The following USP9X variants were observed in gnomAD, a reference collection of about 807,000 sequenced individuals.
USP9X encodes the protein ubiquitin carboxyl-terminal hydrolase 9X.
Under a neutral mutation model 190.3 loss-of-function variants are expected in USP9X, and 7 were observed. That is an observed-to-expected ratio of 0.04 (90% CI 0.02 to 0.07). The LOEUF (loss-of-function observed/expected upper bound fraction) is 0.07. Among genes scored for constraint, USP9X ranks in the 10% least tolerant of loss-of-function variants. The probability of loss-of-function intolerance (pLI) is 1.00; values close to 1 mark genes in which losing one functional copy is unlikely to be tolerated. For missense variants in USP9X, 1,010 were observed against 1,916.9 expected (o/e 0.53, Z 8.83); for synonymous variants, 645 against 659.5 (o/e 0.98, Z 0.34).
chrX:41,087,742 T>TTC (rs1187959611), intron 1 of USP9X, among the ~76,000 whole-genome samples: 1 of 112,293 alleles, frequency 8.9e-6, no homozygotes, highest in Admixed American at 9.4e-5. Context: ...ACTATATGAA[T>TTC]TCTCTCTACC....
At chrX:41,105,606 T>A (rs1392788196) in intron 1 of USP9X, among the ~76,000 whole-genome samples, 1 of 112,314 alleles carries the variant, frequency 8.9e-6, no homozygotes, top group African/African-American at 3.2e-5. Context: ...GCTATGAACA[T>A]GGGTGTACAA....
At chrX:41,153,667 C>T (rs892083798) in intron 14 of USP9X, among the ~76,000 whole-genome samples, 2 of 112,104 alleles carry the variant, frequency 1.8e-5, no homozygotes. Context: ...TGTGTCAGTG[C>T]TCTTTTGCCC....
chrX:41,100,450 T>C lies in USP9X; in HGVS notation c.-159+14341T>C, dbSNP rs1268069778. Among the ~76,000 whole-genome samples, 8 of 111,945 alleles carry C rather than the reference T, an allele frequency of 7.1e-5. No individual in the cohort carries two copies. In the East Asian group the frequency reaches 2.2e-3, roughly 31 times the overall value. On this transcript the variant is annotated intron_variant, in intron 1 of 44. Transcript: ENST00000378308. The stretch of plus-strand genomic sequence containing the variant: ...ATCTTCAGTCTTTAGTGTTAACTAC[T>C]GCATTACATAATGTCTGAGTAAATG...
At position 41,136,809 on chromosome X, in the gene USP9X, T is replaced by C. The variant is rs2062377694; in HGVS notation, c.441T>C (p.Cys147=). 8.3e-7 allele frequency: 1 copy of C among 1,206,637 alleles called. No homozygotes were observed. The highest frequency in any genetic ancestry group is 1.1e-6 in the Non-Finnish European group (1 of 890,909). Residue 147 remains cysteine (C), a synonymous_variant, in exon 6 of 45, where the codon TGT becomes TGC. Coordinates refer to ENST00000378308, the MANE Select transcript of USP9X (RefSeq NM_001039591.3). ...CTTTCCCCCTTGTATAACAGAGGTG[T>C]ATTATTAACAATACTCATCGTCTGG... The part of the protein sequence containing the change: ...VSGWKFEIHR[C]IINNTHRLVE...
chrX:41,214,783 T>C, intron 34 of USP9X, 74 bp downstream of exon 34: 1 of 1,009,959 alleles, frequency 9.9e-7, no homozygotes, highest in South Asian at 2.3e-5. Flanking sequence ...TTTTGGTTCA[T>C]CCTCACAAGT....
intron 32 of USP9X, among the ~76,000 whole-genome samples, chrX:41,208,855 C>T: frequency 9.1e-6 from 1 of 110,328 alleles, no homozygotes; most frequent in East Asian, 2.8e-4. Context: ...CTACAGGCGC[C>T]TGCCACCAAT....
intron 17 of USP9X, among the ~76,000 whole-genome samples, 199 bp from the exon 18 acceptor site, chrX:41,167,808 A>T (rs1477299625): frequency 1.8e-5 from 2 of 112,329 alleles, no homozygotes; most frequent in East Asian, 2.8e-4. Flanking sequence ...TGACTAATTT[A>T]TGTTTGTTAA....
At chrX:41,206,479 G>A (rs2063097602) in intron 32 of USP9X, among the ~76,000 whole-genome samples, 1 of 111,179 alleles carries the variant, frequency 9.0e-6, no homozygotes, top group South Asian at 3.7e-4. Context: ...TTACAATTAT[G>A]GGGGAATCGG....
chrX:41,229,398 C>A lies in USP9X; in HGVS notation c.7207C>A (p.Gln2403Lys). 6.8e-6 allele frequency: 8 copies of A among 1,173,612 alleles called. No homozygotes were observed. Among genetic ancestry groups the A allele is most frequent in the Non-Finnish European group, 9.1e-6 (8 of 880,514 alleles). ...ATTTAGTAACTGTCCTGTTGCTTAC[C>A]AAATCCTGCAGGTGAGGATTTTTTT... is the stretch of plus-strand genomic sequence containing the variant. ...ALFSNCPVAY[Q>K]ILQGNGDLKR... Residue 2403 changes from glutamine (Q) to lysine (K), a missense_variant, in exon 42 of 45, where the codon CAA (glutamine) becomes AAA (lysine). This residue lies in a region of USP9X where 20 missense variants were observed against 59.3 expected (regional missense o/e 0.34). Coordinates refer to ENST00000378308, the MANE Select transcript of USP9X (RefSeq NM_001039591.3).
rs1248614798 is a variant in USP9X at position 41,231,329 on chromosome X, C to G, written c.7527+733C>G. Among the ~76,000 whole-genome samples the G allele has an allele frequency of 3.6e-5, 4 of 111,939 alleles. No individual in the cohort carries two copies. In the Admixed American group the frequency reaches 3.8e-4, roughly 11 times the overall value. The stretch of plus-strand genomic sequence containing the variant: ...TGCTGCTGGTGGTCCAGGAACCATA[C>G]TTGGAGAAACATTTCAGGCATTCTT... On this transcript the variant is annotated intron_variant, in intron 44 of 44. Transcript: ENST00000378308.
At position 41,223,251 on chromosome X, in the gene USP9X, T is replaced by C. The variant is rs370465355; in HGVS notation, c.6600T>C (p.Ser2200=). ...AGAAGACACAGCTTCTGAAATTGAG[T>C]GTACCTGCTACTTTTATGCTTGTGT... is the stretch of plus-strand genomic sequence containing the variant. ...VAEKTQLLKL[S]VPATFMLVSL... is the part of the protein sequence containing the mutation. Residue 2200 remains serine (S), a synonymous_variant, in exon 39 of 45, where the codon AGT becomes AGC. Transcript: ENST00000378308. 1 of 1,209,787 alleles carries C rather than the reference T, an allele frequency of 8.3e-7. No homozygotes were observed. Among genetic ancestry groups the C allele is most frequent in the African/African-American group, 1.7e-5 (1 of 57,151 alleles).
At chrX:41,120,361 C>T (rs1260447660) in intron 1 of USP9X, among the ~76,000 whole-genome samples, 1 of 112,342 alleles carries the variant, frequency 8.9e-6, no homozygotes, top group Non-Finnish European at 1.9e-5. Flanking sequence ...CAGTGCCTAA[C>T]ATGCGAAAAG....
chrX:41,225,956 A>G (rs1412487323), intron 41 of USP9X, among the ~76,000 whole-genome samples: 2 of 112,655 alleles, frequency 1.8e-5, no homozygotes, highest in Non-Finnish European at 3.7e-5. Flanking sequence ...TACACCATGA[A>G]GAAGGACACT....
intron 17 of USP9X, 117 bp from the exon 18 acceptor site, chrX:41,167,890 C>A: frequency 1.9e-6 from 1 of 535,051 alleles, no homozygotes; most frequent in Non-Finnish European, 2.9e-6. Flanking sequence ...TTAAATATGA[C>A]TGTTGTTAAT....
At chrX:41,202,421 A>G (rs769072852) in intron 31 of USP9X, among the ~76,000 whole-genome samples, 4 of 112,483 alleles carry the variant, frequency 3.6e-5, no homozygotes, top group Admixed American at 1.9e-4. Context: ...TTACCATGTA[A>G]TATTTCCTTG....
chrX:41,205,887 C>CT (rs751427663), intron 32 of USP9X, among the ~76,000 whole-genome samples: 6,842 of 86,229 alleles, frequency 0.079, 318 homozygotes, highest in East Asian at 0.1. Flanking sequence ...TTTTCTTTTT[C>CT]TTTTTTTCTT....
intron 26 of USP9X, among the ~76,000 whole-genome samples, chrX:41,193,116 TG>T (rs2062952031): frequency 9.1e-6 from 1 of 110,414 alleles, no homozygotes; most frequent in Non-Finnish European, 1.9e-5. Flanking sequence ...GCAGGGAAAC[TG>T]GAGTGGATGG....
At position 41,170,756 on chromosome X, in the gene USP9X, A is replaced by G. The variant is rs1021347437; in HGVS notation, c.3027+137A>G. On this transcript the variant is annotated intron_variant, in intron 20 of 44. Coordinates refer to ENST00000378308, the MANE Select transcript of USP9X (RefSeq NM_001039591.3). Reference sequence around the variant, plus strand: ...GACAAAAAAATACAGTTAACCACCAACTTCAGAATGGATCCCTCTAAAAGG... The same window carrying G: ...GACAAAAAAATACAGTTAACCACCAGCTTCAGAATGGATCCCTCTAAAAGG... 21 of 563,078 alleles carry G rather than the reference A, an allele frequency of 3.7e-5. No individual in the cohort carries two copies. In the South Asian group the frequency reaches 8.4e-4, roughly 22 times the overall value. The allele number at this position is 563,078 out of a possible 1,213,427, so 46.4% of individuals were successfully genotyped here.
intron 15 of USP9X, 21 bp downstream of exon 15, chrX:41,162,898 G>A (rs1302453261): frequency 8.7e-7 from 1 of 1,146,547 alleles, no homozygotes; most frequent in Non-Finnish European, 1.2e-6. Flanking sequence ...TACAGTTAGT[G>A]TTGCTCTCTT....
Sources: gnomAD v4.1 joint callset for allele counts (sites outside exome capture counted in the v4.1 genomes callset) on GRCh38, gnomAD v4.1.1 for gene constraint, gnomAD v4.1.1 regional missense constraint, MANE v1.5 for transcripts, NCBI Gene and HGNC (gene_info 2026-07-23, HGNC 2026-07-21) for gene names.